Variants in VPS41 observed in about 807,000 individuals in gnomAD.
VPS41 encodes VPS41 subunit of HOPS complex.
Under a neutral mutation model 130.9 loss-of-function variants are expected in VPS41, and 85 were observed. That is an observed-to-expected ratio of 0.65 (90% CI 0.55 to 0.78). VPS41 has a LOEUF of 0.78. VPS41 is among the 30% of genes least tolerant of loss of function. VPS41 has a pLI of 0.00. For synonymous variants in VPS41, 335 were observed against 332.9 expected (o/e 1.01, Z -0.07); for missense variants, 874 against 1,018.7 (o/e 0.86, Z 1.93).
At chr7:38,748,972 T>G (rs1008351302) in intron 22 of VPS41, among the ~76,000 whole-genome samples, 1 of 152,116 alleles carries the variant, frequency 6.6e-6, no homozygotes, top group African/African-American at 2.4e-5. Context: ...ACAATATACA[T>G]GAAGGCACAA....
At chr7:38,861,699 A>G (rs1048223549) in intron 4 of VPS41, among the ~76,000 whole-genome samples, 1 of 152,330 alleles carries the variant, frequency 6.6e-6, no homozygotes, top group East Asian at 1.9e-4. Flanking sequence ...TTTCTTCAAA[A>G]AAGTAGTATT....
chr7:38,847,082 AAAT>A (rs1785742715), intron 4 of VPS41, among the ~76,000 whole-genome samples: 1 of 152,228 alleles, frequency 6.6e-6, no homozygotes, highest in African/African-American at 2.4e-5. Flanking sequence ...ATAAGCTGTC[AAAT>A]AATCAAAAGG....
In VPS41 at chr7:38,869,255, T is replaced by A; in HGVS notation, c.61-2A>T. On this transcript the variant is annotated splice_acceptor_variant, in intron 2 of 28. Coordinates refer to ENST00000310301, the MANE Select transcript of VPS41 (RefSeq NM_014396.4). LOFTEE classifies it high-confidence loss of function. ...GGGTTCCTCTTCGCTCTCTTCTTCC[T>A]GCACAAACGGCAAAGAAAAATGACA... The A allele has an allele frequency of 6.2e-7, 1 of 1,600,116 alleles. No individual in the cohort carries two copies. Among genetic ancestry groups the A allele is most frequent in the South Asian group, 1.1e-5 (1 of 88,990 alleles).
At position 38,769,549 on chromosome 7, in the gene VPS41, C is replaced by A. The variant is rs368510972; in HGVS notation, c.1185+1649G>T. On this transcript the variant is annotated intron_variant, in intron 14 of 28. Transcript: ENST00000310301. Reference sequence around the variant, plus strand: ...CTAATGTGTTTAAAATAGGATTCATCATTTCTCCCAATCCTGCTTCTCCTT... The same window carrying A: ...CTAATGTGTTTAAAATAGGATTCATAATTTCTCCCAATCCTGCTTCTCCTT... Among the ~76,000 whole-genome samples, 17 of 152,264 alleles carry A rather than the reference C, an allele frequency of 1.1e-4. No individual in the cohort carries two copies. In the East Asian group the frequency reaches 2.7e-3, roughly 24 times the overall value.
chr7:38,892,222 A>T (rs1558111), intron 2 of VPS41, among the ~76,000 whole-genome samples: 141,624 of 151,942 alleles, frequency 0.93, 66,154 homozygotes, highest in East Asian at 1. Flanking sequence ...TGGCCTAAAA[A>T]CAGAGAGTCA....
Position 38,726,949 on chromosome 7 carries a change from C to G in VPS41, c.2444G>C (p.Arg815Pro). Reference protein sequence around the residue: ...KPFSVVVFHCRHMFHKECLPM... With the variant: ...KPFSVVVFHCPHMFHKECLPM... Reference sequence around the variant, plus strand: ...CAGGCACTCCTTGTGGAACATGTGCCGGCAATGGAAGACCACCACGCTGAA... The same window carrying G: ...CAGGCACTCCTTGTGGAACATGTGCGGGCAATGGAAGACCACCACGCTGAA... The change falls in exon 28 of 29, where the codon CGG (arginine) becomes CCG (proline). Residue 815 changes from arginine (R) to proline (P), a missense_variant. Transcript: ENST00000310301. 1.3e-6 allele frequency: 2 copies of G among 1,590,708 alleles called. No homozygotes were observed. The highest frequency in any genetic ancestry group is 1.1e-5 in the South Asian group (1 of 87,868).
chr7:38,790,845 T>G (rs1376955822), intron 9 of VPS41, among the ~76,000 whole-genome samples: 1 of 152,238 alleles, frequency 6.6e-6, no homozygotes, highest in Non-Finnish European at 1.5e-5. Context: ...TTTTTTGTTT[T>G]TATATCTATT....
At chr7:38,795,763 C>A (rs1355816416) in intron 8 of VPS41, 152 bp from the exon 9 acceptor site, 1 of 641,106 alleles carries the variant, frequency 1.6e-6, no homozygotes, top group Non-Finnish European at 2.4e-6. Context: ...CTGCTCCACA[C>A]AAACCCTGTG....
intron 25 of VPS41, among the ~76,000 whole-genome samples, chr7:38,737,853 A>G (rs1349675417): frequency 6.6e-6 from 1 of 152,192 alleles, no homozygotes; most frequent in East Asian, 1.9e-4. Context: ...TGCTCCAGAG[A>G]GAAATGTAGA....
intron 2 of VPS41, among the ~76,000 whole-genome samples, chr7:38,886,937 T>A (rs1034987887): frequency 6.6e-6 from 1 of 152,214 alleles, no homozygotes; most frequent in Non-Finnish European, 1.5e-5. Context: ...CTGAGGGGCC[T>A]GTCTGTTAGA....
chr7:38,767,568 C>A lies in VPS41; in HGVS notation c.1216G>T (p.Val406Leu). The change falls in exon 15 of 29, where the codon GTG becomes TTG. Residue 406 changes from valine (V) to leucine (L), a missense_variant. Val to Leu is a conservative substitution (Grantham distance 32). Coordinates refer to ENST00000310301, the MANE Select transcript of VPS41 (RefSeq NM_014396.4). Reference sequence around the variant, plus strand: ...GCTATGTCATAGTCTCCTCTCTCCACCAGGTGATTTATATATGCCAAGCCA... The same window carrying A: ...GCTATGTCATAGTCTCCTCTCTCCAACAGGTGATTTATATATGCCAAGCCA... ...DIGLAYINHL[V>L]ERGDYDIAAR... is the part of the protein sequence containing the mutation. 1 of 1,610,194 alleles carries A rather than the reference C, an allele frequency of 6.2e-7. No individual in the cohort carries two copies. The highest frequency in any genetic ancestry group is 8.5e-7 in the Non-Finnish European group (1 of 1,177,598).
intron 4 of VPS41, among the ~76,000 whole-genome samples, chr7:38,845,412 T>C (rs548487645): frequency 3.9e-5 from 6 of 152,302 alleles, no homozygotes; most frequent in African/African-American, 7.2e-5. Context: ...AAGTTTAAGA[T>C]AGTCACCTTC....
intron 2 of VPS41, among the ~76,000 whole-genome samples, chr7:38,894,433 G>C (rs1048853358): frequency 6.6e-6 from 1 of 151,734 alleles, no homozygotes; most frequent in African/African-American, 2.4e-5. Flanking sequence ...TAGAGGCAGC[G>C]GGGGGCACGG....
intron 1 of VPS41, among the ~76,000 whole-genome samples, chr7:38,908,087 G>A (rs1787308422): frequency 6.6e-6 from 1 of 152,146 alleles, no homozygotes; most frequent in Non-Finnish European, 1.5e-5. Context: ...TCACTATGAA[G>A]TAAAAACAAA....
chr7:38,771,306 G>A (rs758756912), intron 13 of VPS41, 52 bp from the exon 14 acceptor site: 2 of 1,339,126 alleles, frequency 1.5e-6, no homozygotes, highest in South Asian at 1.2e-5. Flanking sequence ...CAGAAAAGGA[G>A]GGAGGGAAAA....
At chr7:38,798,205 G>A (rs936287131) in intron 7 of VPS41, among the ~76,000 whole-genome samples, 1 of 152,148 alleles carries the variant, frequency 6.6e-6, no homozygotes, top group Admixed American at 6.5e-5. Context: ...CCCCAGAAAT[G>A]TAGGAAAGGG....
At chr7:38,903,200 C>T (rs903162830) in intron 1 of VPS41, among the ~76,000 whole-genome samples, 2 of 152,170 alleles carry the variant, frequency 1.3e-5, no homozygotes, top group African/African-American at 4.8e-5. Context: ...TCCTTGGGCT[C>T]CTAGAAGACT....
In VPS41 at chr7:38,725,402, CCCT is replaced by C. The variant is rs1252737376; in HGVS notation, c.*841_*843del. 6.6e-6 allele frequency: 1 copy of C among 152,244 alleles called. No individual in the cohort carries two copies. The highest frequency in any genetic ancestry group is 1.5e-5 in the Non-Finnish European group (1 of 68,078). 9.4% of individuals were successfully genotyped at this position (152,244 alleles called of 1,614,324 possible). ...AGGTGGTCCCACTGCTCCTGAGGCA[CCCT>C]CAGTTTTCAGGGTCACTGGTTTCCT... On this transcript the variant is annotated 3_prime_UTR_variant, in exon 29 of 29. Transcript: ENST00000310301.
In VPS41 at chr7:38,765,097, C is replaced by T. The variant is rs140607802; in HGVS notation, c.1329+483G>A. ...AATGTTTAAAACAAATATAGGAATA[C>T]TTTATTGATTGATTAGGATGTTGTG... On this transcript the variant is annotated intron_variant, in intron 16 of 28. Coordinates refer to ENST00000310301, the MANE Select transcript of VPS41 (RefSeq NM_014396.4). 2.6e-3 allele frequency among the ~76,000 whole-genome samples: 397 copies of T among 152,116 alleles called. 1 individual carries two copies. Among genetic ancestry groups the T allele is most frequent in the African/African-American group, 9.3e-3 (385 of 41,514 alleles).
Sources: gnomAD v4.1 joint callset for allele counts (sites outside exome capture counted in the v4.1 genomes callset) on GRCh38, gnomAD v4.1.1 for gene constraint, MANE v1.5 for transcripts, NCBI Gene and HGNC (gene_info 2026-07-23, HGNC 2026-07-21) for gene names.